C6: variants seen among roughly 807,000 people sequenced by gnomAD.
C6 encodes complement component C6.
In C6, 101 loss-of-function variants were observed where a neutral mutation model predicts 112.9. That is an observed-to-expected ratio of 0.89 (90% CI 0.76 to 1.06). The LOEUF is 1.06. C6 is among the 50% of genes least tolerant of loss of function. The probability of loss-of-function intolerance (pLI) is 0.00; values close to 1 mark genes in which losing one functional copy is unlikely to be tolerated. For missense variants in C6, 1,202 were observed against 1,104.6 expected (o/e 1.09, Z -1.25); for synonymous variants, 431 against 384.1 (o/e 1.12, Z -1.43).
intron 7 of C6, among the ~76,000 whole-genome samples, chr5:41,178,102 G>A (rs890346075): frequency 1.3e-5 from 2 of 152,136 alleles, no homozygotes; most frequent in South Asian, 4.2e-4. Flanking sequence ...TCTACTTGCT[G>A]GTTCATGATA....
At position 41,212,022 on chromosome 5, in the gene C6, A is replaced by G. The variant is rs971529325; in HGVS notation, c.-21+1354T>C. Among the ~76,000 whole-genome samples, 9 of 152,298 alleles carry G rather than the reference A, an allele frequency of 5.9e-5. No individual in the cohort carries two copies. The South Asian group carries it at 1.9e-3, about 32-fold the overall frequency. ...TAAGCTATAACTGTTCTGAGGCAATATGGAGCCTGATATAAATTAAGATGG... is the reference window on the plus strand; with the variant it reads ...TAAGCTATAACTGTTCTGAGGCAATGTGGAGCCTGATATAAATTAAGATGG... On this transcript the variant is annotated intron_variant, in intron 1 of 17. Coordinates refer to ENST00000337836, the MANE Select transcript of C6 (RefSeq NM_000065.5).
At chr5:41,158,998 C>A in intron 12 of C6, 84 bp downstream of exon 12, 1 of 1,443,882 alleles carries the variant, frequency 6.9e-7, no homozygotes, top group South Asian at 1.1e-5. Flanking sequence ...CTTTACTTAG[C>A]AGTAGACTAA....
chr5:41,173,511 A>T (rs1748600476), intron 8 of C6, among the ~76,000 whole-genome samples: 1 of 152,180 alleles, frequency 6.6e-6, no homozygotes, highest in South Asian at 2.1e-4. Context: ...TCAAAACTAA[A>T]ATCCAGCTCT....
chr5:41,158,515 A>T lies in C6; in HGVS notation c.1968+159T>A, dbSNP rs79912605. ...TATGAAGACATCTCTAGGAAATTCA[A>T]GATGGAAGAGTGGCAAAGTGTTTCT... On this transcript the variant is annotated intron_variant, in intron 13 of 17. Coordinates refer to ENST00000337836, the MANE Select transcript of C6 (RefSeq NM_000065.5). Among the ~76,000 whole-genome samples, 211 of 152,356 alleles carry T rather than the reference A, an allele frequency of 1.4e-3. 6 individuals carry two copies. The East Asian group carries it at 0.038, about 28-fold the overall frequency.
intron 9 of C6, among the ~76,000 whole-genome samples, chr5:41,167,045 T>C (rs896422535): frequency 2.6e-5 from 4 of 151,906 alleles, no homozygotes; most frequent in South Asian, 2.1e-4. Flanking sequence ...TTAATATTAA[T>C]TTTTTTATGT....
chr5:41,192,560 C>T (rs1750299226), intron 5 of C6, among the ~76,000 whole-genome samples: 1 of 152,006 alleles, frequency 6.6e-6, no homozygotes, highest in Non-Finnish European at 1.5e-5. Flanking sequence ...TCATTACTCA[C>T]AATTGGTCTG....
rs1217808922 is a variant in C6 at position 41,207,666 on chromosome 5, A to G, written c.-20-4416T>C. ...ATAATGGTAAAGGGATGAATTCAAA[A>G]AGAAGAGCTAACTATCCTAAATATA... On this transcript the variant is annotated intron_variant, in intron 1 of 17. Coordinates refer to ENST00000337836, the MANE Select transcript of C6 (RefSeq NM_000065.5). 2.0e-5 allele frequency among the ~76,000 whole-genome samples: 3 copies of G among 152,256 alleles called. No individual in the cohort carries two copies. The East Asian group carries it at 5.8e-4, about 29-fold the overall frequency.
chr5:41,199,174 A>C (rs1750825048), intron 4 of C6, among the ~76,000 whole-genome samples: 1 of 152,122 alleles, frequency 6.6e-6, no homozygotes. Flanking sequence ...TCTAGTTATA[A>C]ATACTTTACT....
chr5:41,242,330 C>G (rs896718404), intron 1 of C6, among the ~76,000 whole-genome samples: 1 of 152,144 alleles, frequency 6.6e-6, no homozygotes, highest in African/African-American at 2.4e-5. Flanking sequence ...CCTGCTTGTA[C>G]TCACTCCATC....
At chr5:41,216,027 G>A (rs192015585), upstream of C6, among the ~76,000 whole-genome samples, 3 of 152,210 alleles carry the variant, frequency 2.0e-5, no homozygotes, top group Admixed American at 6.6e-5. Context: ...TAGATAAAGT[G>A]AAATGGCAGA....
In C6 at chr5:41,199,801, C is replaced by G; in HGVS notation, c.412G>C (p.Ala138Pro). 6.2e-7 allele frequency: 1 copy of G among 1,613,734 alleles called. No individual in the cohort carries two copies. Among genetic ancestry groups the G allele is most frequent in the South Asian group, 1.1e-5 (1 of 91,078 alleles). Residue 138 changes from alanine (A) to proline (P), a missense_variant, in exon 4 of 18, where the codon GCT becomes CCT. Ala to Pro is a conservative substitution (Grantham distance 27). Transcript: ENST00000337836. ...IPSKLCKIEE[A>P]DCKNKFRCDS... ...CAGCGAAATTTATTCTTGCAGTCAG[C>G]CTCTTCAATTTTGCAGAGCTTAGAT...
chr5:41,165,485 T>G (rs1418289542), intron 9 of C6, among the ~76,000 whole-genome samples: 1 of 152,182 alleles, frequency 6.6e-6, no homozygotes, highest in African/African-American at 2.4e-5. Flanking sequence ...TATTTTATGG[T>G]TTTAATTTTA....
chr5:41,252,476 C>T (rs1057468562), intron 1 of C6, among the ~76,000 whole-genome samples: 4 of 152,160 alleles, frequency 2.6e-5, no homozygotes, highest in Non-Finnish European at 5.9e-5. Flanking sequence ...CTCTTTGTAG[C>T]AGTGAGATAC....
intron 17 of C6, among the ~76,000 whole-genome samples, chr5:41,148,429 C>A (rs541312625): frequency 6.6e-6 from 1 of 152,230 alleles, no homozygotes; most frequent in African/African-American, 2.4e-5. Flanking sequence ...GTTCAAGACC[C>A]AGGGGCCAAT....
chr5:41,246,594 T>C (rs1424887916), intron 1 of C6, among the ~76,000 whole-genome samples: 4 of 152,180 alleles, frequency 2.6e-5, no homozygotes, highest in African/African-American at 9.6e-5. Flanking sequence ...CCAGGGTGCA[T>C]CTAACTAGGA....
chr5:41,251,327 C>T (rs76432347), intron 1 of C6, among the ~76,000 whole-genome samples: 1,534 of 152,180 alleles, frequency 0.01, 33 homozygotes, highest in African/African-American at 0.035. Flanking sequence ...TGAAATTGTA[C>T]CCCAAATCAT....
chr5:41,160,271 C>A lies in C6; in HGVS notation c.1555G>T (p.Asp519Tyr). 1.2e-6 allele frequency: 2 copies of A among 1,613,846 alleles called. No individual in the cohort carries two copies. The highest frequency in any genetic ancestry group is 1.7e-6 in the Non-Finnish European group (2 of 1,179,864). The change falls in exon 11 of 18, where the codon GAT becomes TAT. Residue 519 changes from aspartate (D) to tyrosine (Y), a missense_variant. Coordinates refer to ENST00000337836, the MANE Select transcript of C6 (RefSeq NM_000065.5). ...KALQEYAAKFDPCQCAPCPNN... is the reference protein window; with the variant it reads ...KALQEYAAKFYPCQCAPCPNN... ...GGGCATGGAGCACACTGGCAAGGAT[C>A]GAACTTGGCTGCATACTCTTGCAAA...
intron 1 of C6, among the ~76,000 whole-genome samples, chr5:41,240,009 C>G (rs1256314531): frequency 6.6e-6 from 1 of 152,140 alleles, no homozygotes; most frequent in African/African-American, 2.4e-5. Flanking sequence ...TGACTAGACA[C>G]TTTTCTCTTG....
chr5:41,199,452 A>G (rs1750844804), intron 4 of C6, among the ~76,000 whole-genome samples: 1 of 152,230 alleles, frequency 6.6e-6, no homozygotes, highest in Admixed American at 6.5e-5. Flanking sequence ...ATCTCTAGTC[A>G]TCTTCCAACA....
Sources: gnomAD v4.1 joint callset for allele counts (sites outside exome capture counted in the v4.1 genomes callset) on GRCh38, gnomAD v4.1.1 for gene constraint, MANE v1.5 for transcripts, NCBI Gene and HGNC (gene_info 2026-07-23, HGNC 2026-07-21) for gene names.